PCM1: variants seen among roughly 807,000 people sequenced by gnomAD.
PCM1 encodes the protein pericentriolar material 1 protein.
A neutral mutation model predicts 241.9 loss-of-function variants in PCM1; 157 were observed. The observed-to-expected ratio is 0.65, with a 90% CI of 0.57 to 0.74. The LOEUF (loss-of-function observed/expected upper bound fraction) is 0.74. Ranked by LOEUF, PCM1 falls within the 30% of genes least tolerant of loss-of-function variation. PCM1 has a pLI of 0.00. For missense variants in PCM1, 3,478 were observed against 2,360.1 expected, an observed-to-expected ratio of 1.47 and a Z score of -9.81; for synonymous variants, 1,085 against 784.9, an observed-to-expected ratio of 1.38 and a Z score of -6.39.
chr8:17,946,832 AGTGTGTGTGTGTGTGTGT>A (rs368892136), intron 6 of PCM1, among the ~76,000 whole-genome samples: 5 of 138,296 alleles, frequency 3.6e-5, no homozygotes, highest in Admixed American at 7.2e-5. Context: ...TAGATTCTTC[AGTGTGTGTGTGTGTGTGT>A]GTGTGTGTGT....
At chr8:17,923,804 C>T (rs1012657033) in intron 1 of PCM1, among the ~76,000 whole-genome samples, 1 of 152,080 alleles carries the variant, frequency 6.6e-6, no homozygotes, top group Non-Finnish European at 1.5e-5. Flanking sequence ...CCCCTTCTTT[C>T]TCCCTTCCTA....
chr8:17,953,077 A>T lies in PCM1; in HGVS notation c.1179A>T (p.Lys393Asn), dbSNP rs866425340. 1 of 1,605,580 alleles carries T rather than the reference A, an allele frequency of 6.2e-7. No homozygotes were observed. Among genetic ancestry groups the T allele is most frequent in the Middle Eastern group, 1.7e-4 (1 of 6,052 alleles). ...PSASERLPDE[K>N]VELFSKMRVL... is the part of the protein sequence containing the mutation. ...CTTCAGAACGTTTACCTGATGAGAAAGTCGAACTTTTTAGCAAAATGAGAG... is the reference window on the plus strand; with the variant it reads ...CTTCAGAACGTTTACCTGATGAGAATGTCGAACTTTTTAGCAAAATGAGAG... The change falls in exon 9 of 39, where the codon AAA becomes AAT. Residue 393 changes from lysine to asparagine, a missense_variant. Physicochemically the swap from Lys to Asn is moderately conservative, Grantham distance 94. Coordinates refer to ENST00000325083, the MANE Select transcript of PCM1 (RefSeq NM_006197.4).
At chr8:18,016,238 G>C (rs1001577168) in intron 36 of PCM1, among the ~76,000 whole-genome samples, 2 of 152,076 alleles carry the variant, frequency 1.3e-5, no homozygotes, top group Non-Finnish European at 2.9e-5. Flanking sequence ...ATGTTTGACA[G>C]TAACTAGACT....
At position 17,969,599 on chromosome 8, in the gene PCM1, T is replaced by G. The variant is rs2076184414; in HGVS notation, c.3435T>G (p.Phe1145Leu). ...TAGGTATGAATTTCAGCCCTTTATT[T>G]CCTTCTAATTTTGGAGATTTTTCTC... is the stretch of plus-strand genomic sequence containing the variant. ...FAPGMNFSPL[F>L]PSNFGDFSQN... Residue 1145 changes from phenylalanine (F) to leucine (L), a missense_variant, in exon 22 of 39, where the codon TTT becomes TTG. By Grantham distance (22) the Phe-to-Leu change is conservative. Coordinates refer to ENST00000325083, the MANE Select transcript of PCM1 (RefSeq NM_006197.4). 6.2e-7 allele frequency: 1 copy of G among 1,609,410 alleles called. No homozygotes were observed. Among genetic ancestry groups the G allele is most frequent in the Non-Finnish European group, 8.5e-7 (1 of 1,177,702 alleles).
intron 33 of PCM1, 63 bp from the exon 34 acceptor site, chr8:18,011,604 G>A (rs1262441139): frequency 7.1e-7 from 1 of 1,418,388 alleles, no homozygotes; most frequent in East Asian, 2.5e-5. Context: ...AATGCAGTAA[G>A]TGGTAGCTAT....
rs374850402 is a variant in PCM1 at position 17,937,122 on chromosome 8, A to G, written c.97-12A>G. The G allele has an allele frequency of 3.3e-6, 5 of 1,534,864 alleles. No homozygotes were observed. The South Asian group carries it at 6.2e-5, about 19-fold the overall frequency. On this transcript the variant is annotated splice_polypyrimidine_tract_variant and intron_variant, in intron 3 of 38. Coordinates refer to ENST00000325083, the MANE Select transcript of PCM1 (RefSeq NM_006197.4). ...ACAGGCCATGTTAATTTTTGCTTTT[A>G]CTTTTTTAAAGGATTGGGGTGCCCA...
chr8:17,966,611 G>T (rs914046079), intron 20 of PCM1, 138 bp downstream of exon 20: 7 of 671,266 alleles, frequency 1.0e-5, no homozygotes, highest in Non-Finnish European at 1.7e-5. Flanking sequence ...TTTTATAAGT[G>T]GTGATTTACC....
In PCM1 at chr8:18,023,004, T is replaced by C. The variant is rs796760739; in HGVS notation, c.5842-2357T>C. Among the ~76,000 whole-genome samples, 29 of 152,306 alleles carry C rather than the reference T, an allele frequency of 1.9e-4. 1 individual carries two copies. The highest frequency in any genetic ancestry group is 6.7e-4 in the African/African-American group (28 of 41,574). ...ATAGAAGTGTTTTTTTATTCCTCTT[T>C]CTATTTAAATCATAACCATTCTACC... On this transcript the variant is annotated intron_variant, in intron 36 of 38. Transcript: ENST00000325083.
At chr8:17,936,315 G>C (rs1370084305) in intron 3 of PCM1, among the ~76,000 whole-genome samples, 2 of 152,102 alleles carry the variant, frequency 1.3e-5, no homozygotes, top group Admixed American at 1.3e-4. Context: ...AGATTGGGTG[G>C]AAGGACAGTT....
chr8:17,930,567 C>T (rs567442111), intron 2 of PCM1, among the ~76,000 whole-genome samples: 8 of 152,064 alleles, frequency 5.3e-5, no homozygotes, highest in African/African-American at 9.6e-5. Context: ...GAGGGAGATA[C>T]TTAGTATTTT....
chr8:17,987,308 AAACAACTTGAGAGAGAATG>A (rs1244014266), intron 26 of PCM1, among the ~76,000 whole-genome samples: 2 of 151,830 alleles, frequency 1.3e-5, no homozygotes, highest in African/African-American at 4.8e-5. Context: ...TTGGGCACTG[AAACAACTTGAGAGAGAATG>A]AACAGTCTCC....
chr8:17,934,552 C>G (rs982326166), intron 2 of PCM1, among the ~76,000 whole-genome samples: 1 of 152,186 alleles, frequency 6.6e-6, no homozygotes, highest in African/African-American at 2.4e-5. Context: ...TGAGCCACTG[C>G]ACCCAGCCTA....
chr8:17,996,900 TG>T (rs1173475462), intron 29 of PCM1, among the ~76,000 whole-genome samples: 2 of 152,162 alleles, frequency 1.3e-5, no homozygotes, highest in Non-Finnish European at 2.9e-5. Context: ...CTACTATTTT[TG>T]GTTGGTTCAT....
intron 17 of PCM1, among the ~76,000 whole-genome samples, chr8:17,963,985 G>A (rs965354421): frequency 6.6e-6 from 1 of 151,992 alleles, no homozygotes; most frequent in African/African-American, 2.4e-5. Flanking sequence ...ATTTTATTCT[G>A]TTCTGGGTAC....
At chr8:17,927,650 A>C (rs1356583643) in intron 2 of PCM1, 2 of 152,154 alleles carry the variant, frequency 1.3e-5, no homozygotes, top group Non-Finnish European at 2.9e-5. Context: ...TCCCAGGTTC[A>C]AGTGATTCTC....
chr8:18,005,466 A>T (rs1184731644), intron 29 of PCM1, among the ~76,000 whole-genome samples: 2 of 151,598 alleles, frequency 1.3e-5, no homozygotes, highest in Admixed American at 1.3e-4. Context: ...TTTTATAGAT[A>T]TGTATTGGTG....
chr8:17,961,119 G>T (rs1194176968), intron 15 of PCM1, among the ~76,000 whole-genome samples: 2 of 151,976 alleles, frequency 1.3e-5, no homozygotes, highest in South Asian at 2.1e-4. Context: ...GATATCTAAG[G>T]AAAATAACTG....
chr8:17,963,185 C>A lies in PCM1; in HGVS notation c.2548C>A (p.His850Asn), dbSNP rs772092685. ...RKQLEALMAE[H>N]QRRQGLAETA... The stretch of plus-strand genomic sequence containing the variant: ...GCAGCTTGAAGCTCTGATGGCTGAA[C>A]ATCAGAGGAGGCAAGGTCTAGCTGA... Residue 850 changes from histidine to asparagine, a missense_variant, in exon 17 of 39, where the codon CAT (histidine) becomes AAT (asparagine). Transcript: ENST00000325083. 1.9e-6 allele frequency: 3 copies of A among 1,613,626 alleles called. No homozygotes were observed. The South Asian group carries it at 3.3e-5, about 18-fold the overall frequency.
At chr8:18,010,514 A>C (rs985235894) in intron 31 of PCM1, 95 bp from the exon 32 acceptor site, 1 of 850,832 alleles carries the variant, frequency 1.2e-6, no homozygotes, top group Non-Finnish European at 1.9e-6. Context: ...GCTTAGGTCT[A>C]TAATCCCAGT....
Sources: allele counts gnomAD v4.1 joint callset (sites outside exome capture counted in the v4.1 genomes callset), GRCh38; gene constraint gnomAD v4.1.1; transcripts MANE v1.5; gene names NCBI Gene and HGNC (gene_info 2026-07-23, HGNC 2026-07-21).